AKR1C2: variants seen among roughly 807,000 people sequenced by gnomAD.
The protein encoded by AKR1C2 is 3-alpha-HSD3.
A neutral mutation model predicts 39.8 loss-of-function variants in AKR1C2; 27 were observed. The ratio of observed to expected loss-of-function variants is 0.68; its 90% CI spans 0.50 to 0.93. AKR1C2 has a LOEUF of 0.93. Ranked by LOEUF, AKR1C2 falls within the 40% of genes least tolerant of loss-of-function variation. The pLI is 0.00. For synonymous variants in AKR1C2, 114 were observed against 137.9 expected (o/e 0.83, Z 1.22); for missense variants, 263 against 365.1 (o/e 0.72, Z 2.28).
chr10:5,010,952 G>A (rs1239321627), intron 1 of AKR1C2, among the ~76,000 whole-genome samples: 2 of 151,436 alleles, frequency 1.3e-5, no homozygotes, highest in African/African-American at 2.4e-5. Context: ...GTCTCAGCAA[G>A]GAACTCAGAC....
intron 5 of AKR1C2, among the ~76,000 whole-genome samples, chr10:4,996,337 T>A (rs1167689089): frequency 4.0e-5 from 6 of 151,808 alleles, no homozygotes; most frequent in Non-Finnish European, 7.4e-5. Context: ...GATATATATC[T>A]ATATAGATGA....
chr10:5,011,735 TG>T, intron 1 of AKR1C2, among the ~76,000 whole-genome samples: 1 of 152,340 alleles, frequency 6.6e-6, no homozygotes, highest in Middle Eastern at 3.4e-3. Flanking sequence ...TATGTAAACC[TG>T]TGTGGGGATT....
chr10:5,010,112 G>A (rs1375654807), intron 1 of AKR1C2, among the ~76,000 whole-genome samples: 2 of 144,298 alleles, frequency 1.4e-5, no homozygotes, highest in Admixed American at 1.4e-4. Flanking sequence ...GGTCCATGGA[G>A]CTGCAGACTC....
chr10:5,009,180 A>AGTTGAAATTTCACAACC (rs1191825587), intron 1 of AKR1C2, among the ~76,000 whole-genome samples: 1 of 152,220 alleles, frequency 6.6e-6, no homozygotes, highest in African/African-American at 2.4e-5. Flanking sequence ...TTATGACATT[A>AGTTGAAATTTCACAACC]GTTGAAATTT....
At chr10:5,006,993 C>CT (rs1357677189), upstream of AKR1C2, among the ~76,000 whole-genome samples, 15 of 149,192 alleles carry the variant, frequency 1.0e-4, no homozygotes, top group African/African-American at 3.7e-4. Flanking sequence ...AGGATGGTCT[C>CT]TATTTCTTGA....
At chr10:4,998,189 A>G (rs190091813) in intron 5 of AKR1C2, among the ~76,000 whole-genome samples, 119 of 150,690 alleles carry the variant, frequency 7.9e-4, no homozygotes, top group Non-Finnish European at 1.6e-3. Flanking sequence ...TCCGAAGCCC[A>G]TGTGAATCCC....
Position 4,989,992 on chromosome 10 carries a change from C to T in AKR1C2, c.*4G>A. 1.2e-6 allele frequency: 2 copies of T among 1,609,588 alleles called. No individual in the cohort carries two copies. Among genetic ancestry groups the T allele is most frequent in the Non-Finnish European group, 1.7e-6 (2 of 1,178,092 alleles). ...CTGGCAGACCTCATGCAATGCCCTC[C>T]ATGTTAATATTCATCAGAAAATGGA... On this transcript the variant is annotated 3_prime_UTR_variant, in exon 9 of 9. Coordinates refer to ENST00000380753, the MANE Select transcript of AKR1C2 (RefSeq NM_001393392.1).
Position 4,994,152 on chromosome 10 carries a change from A to T in AKR1C2, c.846+1167T>A, listed in dbSNP as rs7092546. On this transcript the variant is annotated intron_variant, in intron 7 of 8. Transcript: ENST00000380753. Reference sequence around the variant, plus strand: ...ACATAGGTTTTATAATATATATCATACGTGATGTATATTTTATGTATCTAA... The same window carrying T: ...ACATAGGTTTTATAATATATATCATTCGTGATGTATATTTTATGTATCTAA... Among the ~76,000 whole-genome samples the T allele has an allele frequency of 3.4e-3, 521 of 151,910 alleles. 4 individuals carry two copies. The highest frequency in any genetic ancestry group is 0.012 in the African/African-American group (499 of 41,520).
chr10:5,011,295 GA>G (rs1837517591), intron 1 of AKR1C2, among the ~76,000 whole-genome samples: 2 of 152,224 alleles, frequency 1.3e-5, no homozygotes. Context: ...TGGAGACTCA[GA>G]AGGCTGGGAG....
At chr10:5,013,828 A>C (rs1837574917) in intron 1 of AKR1C2, among the ~76,000 whole-genome samples, 1 of 152,142 alleles carries the variant, frequency 6.6e-6, no homozygotes, top group African/African-American at 2.4e-5. Context: ...AATCATCCCA[A>C]CCTAAAACTC....
At chr10:4,996,920 G>GA (rs1837071877) in intron 5 of AKR1C2, among the ~76,000 whole-genome samples, 1 of 151,964 alleles carries the variant, frequency 6.6e-6, no homozygotes, top group South Asian at 2.1e-4. Flanking sequence ...AAATGCAGTA[G>GA]AAAAAAGTTC....
intron 1 of AKR1C2, among the ~76,000 whole-genome samples, chr10:5,011,196 C>T (rs782750663): frequency 3.2e-4 from 49 of 152,252 alleles, no homozygotes; most frequent in Non-Finnish European, 5.6e-4. Flanking sequence ...CTTTAAAATT[C>T]ATCAAAGAGC....
chr10:4,995,838 T>C lies in AKR1C2; in HGVS notation c.598A>G (p.Arg200Gly), dbSNP rs782530483. Residue 200 changes from arginine to glycine, a missense_variant, in exon 6 of 9, where the codon AGA becomes GGA. By Grantham distance (125) the Arg-to-Gly change is moderately radical. Coordinates refer to ENST00000380753, the MANE Select transcript of AKR1C2 (RefSeq NM_001393392.1). ...GACTTGCAGAAATCCAGCAGTTTTCTCTGGTTGAAGTAAGGATGACATTCC... is the reference window on the plus strand; with the variant it reads ...GACTTGCAGAAATCCAGCAGTTTTCCCTGGTTGAAGTAAGGATGACATTCC... ...QVECHPYFNQ[R>G]KLLDFCKSKD... The C allele has an allele frequency of 6.2e-7, 1 of 1,612,412 alleles. No individual in the cohort carries two copies. Among genetic ancestry groups the C allele is most frequent in the South Asian group, 1.1e-5 (1 of 90,742 alleles).
In AKR1C2 at chr10:5,001,629, A is replaced by G; in HGVS notation, c.137T>C (p.Phe46Ser). The G allele has an allele frequency of 6.2e-7, 1 of 1,613,946 alleles. No individual in the cohort carries two copies. Among genetic ancestry groups the G allele is most frequent in the Non-Finnish European group, 8.5e-7 (1 of 1,179,864 alleles). ...EAVKLAIEAG[F>S]HHIDSAHVYN... ...AACATGTGCAGAATCAATATGGTGG[A>G]ACCCGGCTTCTATTGCCAATTTGAC... The change falls in exon 2 of 9, where the codon TTC becomes TCC. Residue 46 changes from phenylalanine to serine, a missense_variant. Physicochemically the swap from Phe to Ser is radical, Grantham distance 155 (BLOSUM62 -2). Transcript: ENST00000380753.
intron 3 of AKR1C2, 119 bp downstream of exon 3, chr10:5,000,431 C>G: frequency 6.3e-7 from 1 of 1,592,870 alleles, no homozygotes; most frequent in East Asian, 2.3e-5. Context: ...GTTTAGGGCT[C>G]TTCTTCCATG....
chr10:5,014,613 A>T (rs1193394974), intron 1 of AKR1C2, among the ~76,000 whole-genome samples: 11 of 152,090 alleles, frequency 7.2e-5, no homozygotes, highest in African/African-American at 2.7e-4. Context: ...AAGCTGTCAG[A>T]TCTATTTGGG....
At position 4,993,122 on chromosome 10, in the gene AKR1C2, A is replaced by G. The variant is rs142757205; in HGVS notation, c.847-1209T>C. On this transcript the variant is annotated intron_variant, in intron 7 of 8. Coordinates refer to ENST00000380753, the MANE Select transcript of AKR1C2 (RefSeq NM_001393392.1). ...GATCTGCAGGCTTATTACAATGTCA[A>G]TGAGAGACTAAAACATTTACTTGCC... Among the ~76,000 whole-genome samples, 59 of 152,348 alleles carry G rather than the reference A, an allele frequency of 3.9e-4. No homozygotes were observed. In the East Asian group the frequency reaches 0.01, roughly 26 times the overall value.
At position 5,013,853 on chromosome 10, in the gene AKR1C2, C is replaced by T. The variant is rs1387100199; in HGVS notation, c.-88+4047G>A. On this transcript the variant is annotated intron_variant, in intron 1 of 6. Coordinates refer to the AKR1C2 transcript ENST00000604507. ...ACCTAAAACTCTGCTCATTAAACAA[C>T]AACTTCCCATTTCCCTTTATTTCAT... is the stretch of plus-strand genomic sequence containing the variant. 2.0e-5 allele frequency among the ~76,000 whole-genome samples: 3 copies of T among 152,166 alleles called. No homozygotes were observed. The East Asian group carries it at 5.8e-4, about 29-fold the overall frequency.
rs781943311 is a variant in AKR1C2, at chr10:5,001,559, A to G, written c.207T>C (p.Ile69=). The G allele has an allele frequency of 3.3e-5, 53 of 1,613,932 alleles. No individual in the cohort carries two copies. Among genetic ancestry groups the G allele is most frequent in the Non-Finnish European group, 4.3e-5 (51 of 1,179,908 alleles). ...CTTCTCTCTTCACACTGCCATCTGC[A>G]ATCTTGCTTCGGATGGCCAGTCCAA... ...EQVGLAIRSK[I]ADGSVKREDI... The change falls in exon 2 of 9, where the codon ATT becomes ATC. Residue 69 remains isoleucine, a synonymous_variant. Coordinates refer to ENST00000380753, the MANE Select transcript of AKR1C2 (RefSeq NM_001393392.1).
Sources: gnomAD v4.1 joint callset for allele counts (sites outside exome capture counted in the v4.1 genomes callset) on GRCh38, gnomAD v4.1.1 for gene constraint, MANE v1.5 for transcripts, NCBI Gene and HGNC (gene_info 2026-07-23, HGNC 2026-07-21) for gene names.